EML6: variants seen among roughly 807,000 people sequenced by gnomAD.
The protein encoded by EML6 is echinoderm microtubule-associated protein-like 6.
EML6 carries 154 observed loss-of-function variants against 240.1 expected under a neutral mutation model. That is an observed-to-expected ratio of 0.64 (90% CI 0.56 to 0.73). The LOEUF (loss-of-function observed/expected upper bound fraction) is 0.73, where lower values mean the gene tolerates loss of function less well. Among genes scored for constraint, EML6 ranks in the 30% least tolerant of loss-of-function variants. The pLI is 0.00. For missense variants in EML6, 2,964 were observed against 2,474.6 expected (o/e 1.20, Z -4.20); for synonymous variants, 1,148 against 899.0 (o/e 1.28, Z -4.95).
intron 16 of EML6, among the ~76,000 whole-genome samples, chr2:54,876,317 A>G (rs1458792960): frequency 1.3e-5 from 2 of 152,198 alleles, no homozygotes; most frequent in African/African-American, 2.4e-5. Flanking sequence ...CCACACCCGC[A>G]GAACTCGGGG....
At position 54,962,645 on chromosome 2, in the gene EML6, T is replaced by C; in HGVS notation, c.5091T>C (p.Pro1697=). The change falls in exon 36 of 42, where the codon CCT becomes CCC. Residue 1697 remains proline (P), a synonymous_variant. Coordinates refer to ENST00000356458, the MANE Select transcript of EML6 (RefSeq NM_001039753.4). ...EGEIWGLATH[P]SKDLFISASN... is the part of the protein sequence containing the mutation. ...AGATCTGGGGCCTGGCCACTCACCC[T>C]TCCAAGGACCTCTTCATCTCTGCCA... 1 of 1,541,780 alleles carries C rather than the reference T, an allele frequency of 6.5e-7. No homozygotes were observed. The highest frequency in any genetic ancestry group is 8.8e-7 in the Non-Finnish European group (1 of 1,142,582).
intron 7 of EML6, among the ~76,000 whole-genome samples, chr2:54,830,421 T>G (rs1668811327): frequency 1.3e-5 from 2 of 152,092 alleles, no homozygotes; most frequent in African/African-American, 4.8e-5. Context: ...GGGGAATCTT[T>G]TTCAGTGCCG....
intron 7 of EML6, among the ~76,000 whole-genome samples, chr2:54,834,089 T>C (rs1178508590): frequency 6.6e-6 from 1 of 152,146 alleles, no homozygotes; most frequent in Non-Finnish European, 1.5e-5. Context: ...ATATACATCT[T>C]AGTGAATATA....
chr2:54,939,436 T>C (rs1188052759), intron 28 of EML6, among the ~76,000 whole-genome samples: 1 of 152,236 alleles, frequency 6.6e-6, no homozygotes, highest in Non-Finnish European at 1.5e-5. Context: ...TTCTCTGTCA[T>C]ACTTGCTGTA....
intron 24 of EML6, among the ~76,000 whole-genome samples, chr2:54,907,900 TTAGATAGA>T (rs200763117): frequency 0.033 from 4,525 of 136,048 alleles, 159 homozygotes; most frequent in East Asian, 0.055. Context: ...ATTAGATAGA[TTAGATAGA>T]TAGATAGATA....
intron 2 of EML6, among the ~76,000 whole-genome samples, chr2:54,800,375 A>T (rs1670065244): frequency 6.6e-6 from 1 of 152,168 alleles, no homozygotes; most frequent in East Asian, 1.9e-4. Flanking sequence ...ATGACGCTTG[A>T]ATTCAGGAAT....
At chr2:54,789,513 C>CAAAAAAAAAAAAAAA (rs576842183) in intron 2 of EML6, among the ~76,000 whole-genome samples, 32 of 77,874 alleles carry the variant, frequency 4.1e-4, no homozygotes, top group Admixed American at 1.1e-3. Flanking sequence ...GACTTCGTCT[C>CAAAAAAAAAAAAAAA]AAAAAAAAAA....
At chr2:54,726,973 T>A (rs1682933849) in intron 2 of EML6, among the ~76,000 whole-genome samples, 1 of 152,202 alleles carries the variant, frequency 6.6e-6, no homozygotes, top group African/African-American at 2.4e-5. Context: ...TAATTTTTTC[T>A]CTGATACAAG....
At chr2:54,891,223 A>G in intron 18 of EML6, 69 bp downstream of exon 18, 2 of 772,650 alleles carry the variant, frequency 2.6e-6, no homozygotes, top group East Asian at 5.5e-5. Flanking sequence ...AAAACAAAAC[A>G]AACTGTTGCT....
At chr2:54,834,296 A>G (rs1186186952) in intron 7 of EML6, among the ~76,000 whole-genome samples, 1 of 152,186 alleles carries the variant, frequency 6.6e-6, no homozygotes, top group Non-Finnish European at 1.5e-5. Flanking sequence ...GATCACTTTT[A>G]AAACACATTT....
At chr2:54,800,841 T>G (rs1255703258) in intron 2 of EML6, among the ~76,000 whole-genome samples, 1 of 152,048 alleles carries the variant, frequency 6.6e-6, no homozygotes, top group Non-Finnish European at 1.5e-5. Context: ...GATCCTCAAC[T>G]CCAGCCCAGG....
chr2:54,791,421 A>G (rs559304617), intron 2 of EML6, among the ~76,000 whole-genome samples: 2 of 152,328 alleles, frequency 1.3e-5, no homozygotes, highest in Admixed American at 6.5e-5. Context: ...TGTATCTTCA[A>G]AATTAAGAAA....
At chr2:54,853,233 C>T (rs1263013455) in intron 10 of EML6, among the ~76,000 whole-genome samples, 1 of 152,094 alleles carries the variant, frequency 6.6e-6, no homozygotes, top group Non-Finnish European at 1.5e-5. Context: ...AAAGTCATTT[C>T]ATTAATAATA....
At position 54,795,657 on chromosome 2, in the gene EML6, A is replaced by G. The variant is rs186809461; in HGVS notation, c.198-17575A>G. On this transcript the variant is annotated intron_variant, in intron 2 of 41. Transcript: ENST00000356458. ...CAGTGGGCCTCAGTACTGTACAGTC[A>G]TGTACATATGCCACATGCACTGCGC... Among the ~76,000 whole-genome samples, 359 of 152,308 alleles carry G rather than the reference A, an allele frequency of 2.4e-3. 2 individuals are homozygous for G. Among genetic ancestry groups the G allele is most frequent in the Non-Finnish European group, 2.7e-3 (182 of 68,016 alleles).
intron 26 of EML6, among the ~76,000 whole-genome samples, chr2:54,921,412 G>T (rs1212828559): frequency 1.3e-5 from 2 of 152,104 alleles, no homozygotes; most frequent in Non-Finnish European, 2.9e-5. Context: ...AGACACTCAT[G>T]AAATAAATCG....
intron 2 of EML6, among the ~76,000 whole-genome samples, chr2:54,781,295 T>C (rs974842401): frequency 1.3e-5 from 2 of 152,200 alleles, no homozygotes; most frequent in Non-Finnish European, 2.9e-5. Context: ...AGTCATCCAT[T>C]TACATTCTTG....
intron 26 of EML6, among the ~76,000 whole-genome samples, chr2:54,927,074 A>T (rs1366689579): frequency 6.6e-6 from 1 of 152,138 alleles, no homozygotes; most frequent in Non-Finnish European, 1.5e-5. Context: ...TCTGGAACTC[A>T]CATGTTCAAA....
At chr2:54,930,440 T>G (rs1437007784) in intron 28 of EML6, among the ~76,000 whole-genome samples, 1 of 152,146 alleles carries the variant, frequency 6.6e-6, no homozygotes, top group Non-Finnish European at 1.5e-5. Context: ...AATTCAGAAT[T>G]TTCATGCTAC....
chr2:54,760,822 ATTTTTTTT>A (rs200476039), intron 2 of EML6, among the ~76,000 whole-genome samples: 4 of 120,406 alleles, frequency 3.3e-5, no homozygotes, highest in African/African-American at 1.3e-4. Flanking sequence ...TTGAGGGAGC[ATTTTTTTT>A]TTTTTTTTTT....
Sources: allele counts gnomAD v4.1 joint callset (sites outside exome capture counted in the v4.1 genomes callset), GRCh38; gene constraint gnomAD v4.1.1; transcripts MANE v1.5; gene names NCBI Gene and HGNC (gene_info 2026-07-23, HGNC 2026-07-21).